MSL1: variants seen among roughly 807,000 people sequenced by gnomAD.
The protein encoded by MSL1 is male-specific lethal 1 homolog.
MSL1 carries 21 observed loss-of-function variants against 64.6 expected under a neutral mutation model. That is an observed-to-expected ratio of 0.33 (90% CI 0.23 to 0.47). The LOEUF is 0.47. Ranked by LOEUF, MSL1 falls within the 20% of genes least tolerant of loss-of-function variation. The pLI is 1.00. For synonymous variants in MSL1, 339 were observed against 329.6 expected (o/e 1.03, Z -0.31); for missense variants, 664 against 793.2 (o/e 0.84, Z 1.96).
chr17:40,129,360 GGTT>G lies in MSL1; in HGVS notation c.1109_1111del (p.Gly370_Ser371delinsAla). The G allele has an allele frequency of 6.2e-7, 1 of 1,613,372 alleles. No homozygotes were observed. The highest frequency in any genetic ancestry group is 8.5e-7 in the Non-Finnish European group (1 of 1,179,780). On this transcript the variant is annotated inframe_deletion, in exon 3 of 9. Coordinates refer to ENST00000398532, the MANE Select transcript of MSL1 (RefSeq NM_001365919.1). ...CTCTCCTATTAAAGAGGAACCCTGT[GGTT>G]CCTTATCTGAAACTGTTTGTAAACG... is the stretch of plus-strand genomic sequence containing the variant.
At chr17:40,133,509 G>C in intron 6 of MSL1, 25 bp from the exon 7 acceptor site, 3 of 1,597,814 alleles carry the variant, frequency 1.9e-6, no homozygotes, top group Non-Finnish European at 2.6e-6. Flanking sequence ...GGGTTTCTTT[G>C]TTTTGTTTGG....
At chr17:40,123,448 T>C in intron 1 of MSL1, 68 bp downstream of exon 1, 2 of 1,481,996 alleles carry the variant, frequency 1.3e-6, no homozygotes, top group Non-Finnish European at 1.8e-6. Context: ...GGAAGGGGGC[T>C]GTAGGAGGTT....
intron 1 of MSL1, among the ~76,000 whole-genome samples, chr17:40,125,548 C>T (rs891525304): frequency 5.9e-5 from 9 of 152,190 alleles, no homozygotes; most frequent in African/African-American, 2.2e-4. Context: ...CGCGGTGGCT[C>T]ACGCCTGTAA....
At position 40,134,454 on chromosome 17, in the gene MSL1, C is replaced by CAAAGG; in HGVS notation, c.*85_*86insAAAGG. The CAAAGG allele has an allele frequency of 9.2e-7, 1 of 1,087,112 alleles. No individual in the cohort carries two copies. The highest frequency in any genetic ancestry group is 1.4e-6 in the Non-Finnish European group (1 of 726,666). The allele number at this position is 1,087,112 out of a possible 1,614,324, so 67.3% of individuals were successfully genotyped here. A position where few individuals can be genotyped will look rare whatever the true frequency, so the allele number is the denominator to read the frequency against. On this transcript the variant is annotated 3_prime_UTR_variant, in exon 9 of 9. Coordinates refer to ENST00000398532, the MANE Select transcript of MSL1 (RefSeq NM_001365919.1). ...GAGACCTGTATATGTGACCTTTGTC[C>CAAAGG]TCACATATGTTATCACTCGCTGATA...
chr17:40,126,533 G>C, intron 2 of MSL1, 127 bp downstream of exon 2: 1 of 868,252 alleles, frequency 1.2e-6, no homozygotes, highest in Admixed American at 2.3e-5. Flanking sequence ...GGAGGGCCGG[G>C]TGTGGTGGCT....
In MSL1 at chr17:40,131,510, A is replaced by G; in HGVS notation, c.1376-27A>G. On this transcript the variant is annotated intron_variant, in intron 3 of 8. Transcript: ENST00000398532. This position sits in a 1 kb window ranked among gnomAD's most constrained non-coding sequence, Gnocchi z 4.5. Reference sequence around the variant, plus strand: ...GGGCTTTTTTTCTTTTTACACTGAGATTATTCTTCTTTCCTGCATTATTTA... The same window carrying G: ...GGGCTTTTTTTCTTTTTACACTGAGGTTATTCTTCTTTCCTGCATTATTTA... 6.2e-7 allele frequency: 1 copy of G among 1,610,294 alleles called. No individual in the cohort carries two copies. Among genetic ancestry groups the G allele is most frequent in the South Asian group, 1.1e-5 (1 of 90,800 alleles).
At position 40,136,833 on chromosome 17, in the gene MSL1, A is replaced by C. The variant is rs1988549154; in HGVS notation, c.*2464A>C. ...AATTTATTATATTTATTGGCAAACA[A>C]ACAATTCTGCTTGTATATTTGAAAC... On this transcript the variant is annotated 3_prime_UTR_variant, in exon 9 of 9. Coordinates refer to ENST00000398532, the MANE Select transcript of MSL1 (RefSeq NM_001365919.1). 1 of 152,388 alleles carries C rather than the reference A, an allele frequency of 6.6e-6. No individual in the cohort carries two copies. The highest frequency in any genetic ancestry group is 1.5e-5 in the Non-Finnish European group (1 of 68,046). 9.4% of individuals were successfully genotyped at this position (152,388 alleles called of 1,614,324 possible). A position where few individuals can be genotyped will look rare whatever the true frequency, so the allele number is the denominator to read the frequency against.
Position 40,133,579 on chromosome 17 carries a change from G to A in MSL1, c.1602G>A (p.Leu534=), listed in dbSNP as rs368715270. The change falls in exon 7 of 9, where the codon CTG becomes CTA. Residue 534 remains leucine (L), a synonymous_variant. Transcript: ENST00000398532. ...GGGAACAAAGAATTTTACAGCGACT[G>A]CAGCTCAGAATGTATAAAAAGAAAG... ...RIREQRILQR[L]QLRMYKKKGI... 76 of 1,612,592 alleles carry A rather than the reference G, an allele frequency of 4.7e-5. No homozygotes were observed. The highest frequency in any genetic ancestry group is 6.2e-5 in the Non-Finnish European group (73 of 1,179,234).
Position 40,122,771 on chromosome 17 carries a change from G to C in MSL1, c.159G>C (p.Lys53Asn). Residue 53 changes from lysine (K) to asparagine (N), a missense_variant, in exon 1 of 9, where the codon AAG (lysine) becomes AAC (asparagine). Around this residue, in one of 4 missense-constraint regions of MSL1, gnomAD observed 466 missense variants for 499.0 expected, o/e 0.93. Coordinates refer to ENST00000398532, the MANE Select transcript of MSL1 (RefSeq NM_001365919.1). This position sits in a 1 kb window ranked among gnomAD's most constrained non-coding sequence, Gnocchi z 4.2. ...TCCTCCCCCGGCACCGTAAGCTCAA[G>C]GAGCCGGGGCCCCCGCTGGCCTCCT... is the stretch of plus-strand genomic sequence containing the variant. ...AHFLPRHRKLKEPGPPLASSQ... is the reference protein window; with the variant it reads ...AHFLPRHRKLNEPGPPLASSQ... 7.2e-7 allele frequency: 1 copy of C among 1,390,792 alleles called. No individual in the cohort carries two copies. The highest frequency in any genetic ancestry group is 9.2e-7 in the Non-Finnish European group (1 of 1,081,994). 86.2% of individuals were successfully genotyped at this position (1,390,792 alleles called of 1,614,324 possible).
At chr17:40,123,439 G>T in intron 1 of MSL1, 59 bp downstream of exon 1, 1 of 1,505,786 alleles carries the variant, frequency 6.6e-7, no homozygotes, top group Non-Finnish European at 8.9e-7. Context: ...ATGCTCGGGG[G>T]AAGGGGGCTG....
intron 2 of MSL1, among the ~76,000 whole-genome samples, chr17:40,127,722 C>CT (rs1490879710): frequency 6.6e-6 from 1 of 152,210 alleles, no homozygotes; most frequent in East Asian, 1.9e-4. Context: ...TCAAGTGATC[C>CT]TCCCGAAGTG....
At chr17:40,130,445 A>C (rs1988417181) in intron 3 of MSL1, among the ~76,000 whole-genome samples, 1 of 151,976 alleles carries the variant, frequency 6.6e-6, no homozygotes, top group Non-Finnish European at 1.5e-5. Context: ...AGTAACTGGA[A>C]TGTGCCTTCA....
intron 2 of MSL1, among the ~76,000 whole-genome samples, chr17:40,127,156 C>T (rs564748712): frequency 6.6e-6 from 1 of 151,816 alleles, no homozygotes; most frequent in African/African-American, 2.4e-5. Flanking sequence ...CGCTTGCGCC[C>T]AGGAGTTTGA....
At position 40,122,804 on chromosome 17, in the gene MSL1, C is replaced by T. The variant is rs1988214558; in HGVS notation, c.192C>T (p.Gly64=). ...EPGPPLASSQ[G]GSPAPSPAGC... ...GGCCCCCGCTGGCCTCCTCCCAGGG[C>T]GGGAGCCCCGCGCCTTCCCCGGCCG... The change falls in exon 1 of 9, where the codon GGC becomes GGT. Residue 64 remains glycine (G), a synonymous_variant. Transcript: ENST00000398532. The surrounding 1 kb of genome is among the most constrained non-coding windows in gnomAD (Gnocchi z 4.2). 2.2e-6 allele frequency: 3 copies of T among 1,372,836 alleles called. No individual in the cohort carries two copies. Among genetic ancestry groups the T allele is most frequent in the East Asian group, 3.0e-5 (1 of 32,938 alleles). 85.0% of individuals were successfully genotyped at this position (1,372,836 alleles called of 1,614,324 possible).
rs1196051379 is a variant in MSL1 at position 40,123,023 on chromosome 17, T to C, written c.411T>C (p.Ile137=). The C allele has an allele frequency of 2.0e-6, 3 of 1,532,096 alleles. No individual in the cohort carries two copies. The highest frequency in any genetic ancestry group is 1.4e-5 in the African/African-American group (1 of 72,300). 94.9% of individuals were successfully genotyped at this position (1,532,096 alleles called of 1,614,324 possible). A position where few individuals can be genotyped will look rare whatever the true frequency, so the allele number is the denominator to read the frequency against. Residue 137 remains isoleucine (I), a synonymous_variant, in exon 1 of 9, where the codon ATT becomes ATC. Coordinates refer to ENST00000398532, the MANE Select transcript of MSL1 (RefSeq NM_001365919.1). The stretch of plus-strand genomic sequence containing the variant: ...CCAAGTATCAGGCGGTGCTGCCCAT[T>C]CAGACGGGCTCTCTCGTGGCGGCGG... ...PRPKYQAVLP[I]QTGSLVAAAK...
intron 2 of MSL1, among the ~76,000 whole-genome samples, chr17:40,127,339 G>GAAAA (rs66944924): frequency 1.0e-5 from 1 of 97,636 alleles, no homozygotes. Flanking sequence ...TGTCTCAATT[G>GAAAA]AAAAAAAAAA....
intron 2 of MSL1, among the ~76,000 whole-genome samples, chr17:40,128,661 C>T (rs937643996): frequency 6.6e-6 from 1 of 150,518 alleles, no homozygotes. Context: ...GGATTACAGG[C>T]GTGAGCCACT....
Position 40,135,768 on chromosome 17 carries a change from G to A in MSL1, c.*1399G>A, listed in dbSNP as rs886824702. ...ATGTTGATCTGTGCTTCCTGGATTT[G>A]ACTTTTAAAGGAATTATTCTGGCAG... On this transcript the variant is annotated 3_prime_UTR_variant, in exon 9 of 9. Coordinates refer to ENST00000398532, the MANE Select transcript of MSL1 (RefSeq NM_001365919.1). The A allele has an allele frequency of 1.3e-5, 2 of 152,208 alleles. No individual in the cohort carries two copies. Among genetic ancestry groups the A allele is most frequent in the East Asian group, 3.8e-4 (2 of 5,332 alleles). The allele number at this position is 152,208 out of a possible 1,614,324, so 9.4% of individuals were successfully genotyped here.
Position 40,131,323 on chromosome 17 carries a change from T to A in MSL1, c.1376-214T>A. On this transcript the variant is annotated intron_variant, in intron 3 of 8. Coordinates refer to ENST00000398532, the MANE Select transcript of MSL1 (RefSeq NM_001365919.1). This position sits in a 1 kb window ranked among gnomAD's most constrained non-coding sequence, Gnocchi z 4.5. ...CCTAAATAATGAAGAAAAGAAGTCG[T>A]CTCAGTGTAAAAAAAAAAAGTGGTG... 2.1e-6 allele frequency: 1 copy of A among 485,846 alleles called. No homozygotes were observed. The highest frequency in any genetic ancestry group is 3.3e-5 in the East Asian group (1 of 30,178). The allele number at this position is 485,846 out of a possible 1,614,324, so 30.1% of individuals were successfully genotyped here. A position where few individuals can be genotyped will look rare whatever the true frequency, so the allele number is the denominator to read the frequency against.
Sources: allele counts gnomAD v4.1 joint callset (sites outside exome capture counted in the v4.1 genomes callset), GRCh38; gene constraint gnomAD v4.1.1; regional missense constraint gnomAD v4.1.1; non-coding constraint Gnocchi (gnomAD v3.1); transcripts MANE v1.5; gene names NCBI Gene and HGNC (gene_info 2026-07-23, HGNC 2026-07-21).